Variants in MORC1 observed in about 807,000 individuals in gnomAD.
The protein encoded by MORC1 is MORC family CW-type zinc finger protein 1.
Under a neutral mutation model 134.9 loss-of-function variants are expected in MORC1, and 59 were observed. That is an observed-to-expected ratio of 0.44 (90% confidence interval 0.35 to 0.54). The LOEUF is 0.54. Ranked by LOEUF, MORC1 falls within the 20% of genes least tolerant of loss-of-function variation. The pLI is 0.00. For synonymous variants in MORC1, 395 were observed against 391.7 expected (o/e 1.01, Z -0.10); for missense variants, 947 against 1,134.5 (o/e 0.83, Z 2.37).
chr3:108,993,516 GA>G (rs1298768918), intron 21 of MORC1, among the ~76,000 whole-genome samples: 1 of 152,138 alleles, frequency 6.6e-6, no homozygotes, highest in Non-Finnish European at 1.5e-5. Context: ...GGCTTCCCGT[GA>G]AATGTCTAGT....
At position 109,094,844 on chromosome 3, in the gene MORC1, G is replaced by A. The variant is rs1340610435; in HGVS notation, c.583+65C>T. 4.2e-6 allele frequency: 6 copies of A among 1,419,846 alleles called. No homozygotes were observed. In the African/African-American group the frequency reaches 7.3e-5, roughly 17 times the overall value. 88.0% of individuals were successfully genotyped at this position (1,419,846 alleles called of 1,614,324 possible). A position where few individuals can be genotyped will look rare whatever the true frequency, so the allele number is the denominator to read the frequency against. On this transcript the variant is annotated intron_variant, in intron 7 of 27. Transcript: ENST00000232603. The stretch of plus-strand genomic sequence containing the variant: ...CAAAAAAAATGAAAACATATGTACA[G>A]TGTCTTTGATAAGACACTGAAAACA...
At chr3:109,090,950 T>G (rs1950708610) in intron 8 of MORC1, among the ~76,000 whole-genome samples, 1 of 152,008 alleles carries the variant, frequency 6.6e-6, no homozygotes, top group South Asian at 2.1e-4. Flanking sequence ...GAGGTTCAAA[T>G]ATCAGAAGCC....
At chr3:109,037,549 G>A (rs1175920405) in intron 14 of MORC1, among the ~76,000 whole-genome samples, 2 of 152,152 alleles carry the variant, frequency 1.3e-5, no homozygotes, top group South Asian at 4.1e-4. Context: ...CCATCAACTC[G>A]TCGTTTACAT....
intron 2 of MORC1, 73 bp downstream of exon 2, chr3:109,114,311 T>C (rs575295599): frequency 7.0e-5 from 90 of 1,290,906 alleles, no homozygotes; most frequent in Non-Finnish European, 8.6e-6. Flanking sequence ...GATCTTTTTA[T>C]CTTCCCATGT....
intron 14 of MORC1, among the ~76,000 whole-genome samples, chr3:109,036,276 A>T (rs544319855): frequency 7.3e-4 from 111 of 152,222 alleles, no homozygotes; most frequent in African/African-American, 2.5e-3. Context: ...TTAATTTTTT[A>T]AAAATATATA....
intron 23 of MORC1, among the ~76,000 whole-genome samples, chr3:108,983,445 AT>A: frequency 6.6e-6 from 1 of 152,356 alleles, no homozygotes; most frequent in Middle Eastern, 3.4e-3. Context: ...TTTGAAAAAA[AT>A]AAAACAGGAT....
chr3:109,048,167 CAG>C, intron 14 of MORC1, among the ~76,000 whole-genome samples: 1 of 152,076 alleles, frequency 6.6e-6, no homozygotes, highest in South Asian at 2.1e-4. Flanking sequence ...TAAGGAAGAA[CAG>C]AGAGGAGGGG....
At chr3:109,041,943 C>CAA (rs563306121) in intron 14 of MORC1, among the ~76,000 whole-genome samples, 4 of 132,226 alleles carry the variant, frequency 3.0e-5, no homozygotes, top group African/African-American at 5.5e-5. Context: ...GACTCCATCT[C>CAA]AAAAAAAAAA....
chr3:108,987,689 C>A (rs905281985), intron 21 of MORC1, among the ~76,000 whole-genome samples: 1 of 151,792 alleles, frequency 6.6e-6, no homozygotes, highest in Non-Finnish European at 1.5e-5. Flanking sequence ...CCAGGTATAT[C>A]ATCACTTTGG....
At chr3:109,077,659 T>C (rs111754535) in intron 8 of MORC1, among the ~76,000 whole-genome samples, 166 of 151,524 alleles carry the variant, frequency 1.1e-3, no homozygotes, top group African/African-American at 3.7e-3. Flanking sequence ...TATCAAAAAG[T>C]GGGGAGAGAA....
At chr3:109,033,992 T>C (rs2107612954) in intron 15 of MORC1, among the ~76,000 whole-genome samples, 1 of 152,308 alleles carries the variant, frequency 6.6e-6, no homozygotes, top group Non-Finnish European at 1.5e-5. Context: ...CAGTAACTGT[T>C]ATCCATTATT....
intron 8 of MORC1, among the ~76,000 whole-genome samples, chr3:109,089,280 T>C (rs1338690654): frequency 1.3e-5 from 2 of 152,122 alleles, no homozygotes; most frequent in African/African-American, 4.8e-5. Flanking sequence ...AATTTTAAAA[T>C]CCATATTAAG....
chr3:109,013,733 T>C (rs1948752587), intron 17 of MORC1, among the ~76,000 whole-genome samples: 1 of 152,202 alleles, frequency 6.6e-6, no homozygotes, highest in African/African-American at 2.4e-5. Context: ...GGCTTGAATG[T>C]GTCCCCCCAA....
intron 8 of MORC1, among the ~76,000 whole-genome samples, chr3:109,075,353 T>C (rs907659802): frequency 1.3e-5 from 2 of 152,142 alleles, no homozygotes; most frequent in African/African-American, 4.8e-5. Flanking sequence ...TGGGAATTAT[T>C]AAAAGTTAAG....
intron 9 of MORC1, among the ~76,000 whole-genome samples, chr3:109,063,611 T>C (rs1235152231): frequency 6.6e-6 from 1 of 152,096 alleles, no homozygotes; most frequent in Non-Finnish European, 1.5e-5. Context: ...ATAAACTACT[T>C]CTCCTAGTCC....
At chr3:108,996,933 C>T (rs1011785417) in intron 21 of MORC1, among the ~76,000 whole-genome samples, 2 of 141,264 alleles carry the variant, frequency 1.4e-5, no homozygotes, top group African/African-American at 5.3e-5. Context: ...TGGCGTGAAC[C>T]TGGGAGGCAG....
At chr3:109,099,525 A>G in intron 5 of MORC1, 59 bp from the exon 6 acceptor site, 1 of 1,286,732 alleles carries the variant, frequency 7.8e-7, no homozygotes, top group Admixed American at 2.1e-5. Context: ...AGGAAGAAAC[A>G]GGCAGACTGT....
chr3:109,058,952 CAAG>C (rs1376150097), intron 12 of MORC1, among the ~76,000 whole-genome samples: 1 of 151,990 alleles, frequency 6.6e-6, no homozygotes, highest in African/African-American at 2.4e-5. Context: ...GAACTTGTTT[CAAG>C]AAGGTTTTTA....
At chr3:109,029,821 A>C (rs1949196751) in intron 16 of MORC1, among the ~76,000 whole-genome samples, 1 of 152,238 alleles carries the variant, frequency 6.6e-6, no homozygotes. Flanking sequence ...GAAATGGAGA[A>C]GGATGCCTTC....
Sources: gnomAD v4.1 joint callset for allele counts (sites outside exome capture counted in the v4.1 genomes callset) on GRCh38, gnomAD v4.1.1 for gene constraint, MANE v1.5 for transcripts, NCBI Gene and HGNC (gene_info 2026-07-23, HGNC 2026-07-21) for gene names.